Variants in TYW1B observed in about 807,000 individuals in gnomAD.
TYW1B encodes the protein S-adenosyl-L-methionine-dependent tRNA 4-demethylwyosine synthase TYW1B.
TYW1B carries 73 observed loss-of-function variants against 86.9 expected under a neutral mutation model. That is an observed-to-expected ratio of 0.84 (90% CI 0.70 to 1.02). The LOEUF (loss-of-function observed/expected upper bound fraction) is 1.02, where lower values mean the gene tolerates loss of function less well. TYW1B is among the 50% of genes least tolerant of loss of function. The pLI is 0.00. For synonymous variants in TYW1B, 248 were observed against 292.8 expected (o/e 0.85, Z 1.56); for missense variants, 637 against 827.4 (o/e 0.77, Z 2.82).
chr7:72,634,637 G>A (rs1480813156), intron 11 of TYW1B, among the ~76,000 whole-genome samples: 13 of 151,898 alleles, frequency 8.6e-5, no homozygotes, highest in South Asian at 2.1e-4. Context: ...TTTCACCCAC[G>A]TTGTATCAGA....
At chr7:72,577,388 T>A (rs1299554675) in intron 13 of TYW1B, among the ~76,000 whole-genome samples, 1 of 152,202 alleles carries the variant, frequency 6.6e-6, no homozygotes, top group African/African-American at 2.4e-5. Context: ...TTGGAAATGG[T>A]GCCTCAAGGG....
intron 13 of TYW1B, among the ~76,000 whole-genome samples, chr7:72,577,170 G>A (rs1192237143): frequency 2.0e-5 from 3 of 148,886 alleles, no homozygotes; most frequent in Non-Finnish European, 4.4e-5. Context: ...AATGAACTAA[G>A]GAAAAATTTC....
intron 11 of TYW1B, among the ~76,000 whole-genome samples, chr7:72,644,045 G>C (rs1812866529): frequency 6.6e-6 from 1 of 152,098 alleles, no homozygotes; most frequent in South Asian, 2.1e-4. Context: ...ATAATACATA[G>C]TAACCAAGAT....
At position 72,574,936 on chromosome 7, in the gene TYW1B, C is replaced by A; in HGVS notation, c.*562G>T. The A allele has an allele frequency of 5.1e-6, 5 of 986,650 alleles. No individual in the cohort carries two copies. Among genetic ancestry groups the A allele is most frequent in the Non-Finnish European group, 6.0e-6 (5 of 830,786 alleles). 61.1% of individuals were successfully genotyped at this position (986,650 alleles called of 1,614,324 possible). The stretch of plus-strand genomic sequence containing the variant: ...AATTTTGGGAAGGGTTAGTAATAAA[C>A]CAAAACTCAATCTATGCAGTATTTA... On this transcript the variant is annotated 3_prime_UTR_variant, in exon 14 of 14. Coordinates refer to ENST00000620995, the MANE Select transcript of TYW1B (RefSeq NM_001145440.3).
intron 11 of TYW1B, among the ~76,000 whole-genome samples, chr7:72,646,038 T>G (rs1227168307): frequency 6.7e-6 from 1 of 149,842 alleles, no homozygotes; most frequent in Non-Finnish European, 1.5e-5. Context: ...GCATCCAAAT[T>G]TTAAAAGTCT....
chr7:72,788,844 T>C (rs1426407145), intron 6 of TYW1B, among the ~76,000 whole-genome samples: 1 of 151,858 alleles, frequency 6.6e-6, no homozygotes, highest in Admixed American at 6.6e-5. Context: ...CATGTTTGTA[T>C]TTTTGAGACA....
intron 8 of TYW1B, among the ~76,000 whole-genome samples, chr7:72,737,995 C>CG (rs1787228224): frequency 6.6e-6 from 1 of 151,580 alleles, no homozygotes. Context: ...AGGATGGTCT[C>CG]GATCTCCTGA....
At position 72,813,171 on chromosome 7, in the gene TYW1B, CT is replaced by C. The variant is rs782128548; in HGVS notation, c.237+2208del. ...TCAACCCCAGCTCTACATACTTCTT[CT>C]TTTTTTTTTTTTTTTTTTTTGAGAC... On this transcript the variant is annotated intron_variant, in intron 3 of 13. Transcript: ENST00000620995. Among the ~76,000 whole-genome samples the C allele has an allele frequency of 7.4e-3, 914 of 123,772 alleles. 2 individuals carry two copies. The highest frequency in any genetic ancestry group is 0.015 in the African/African-American group (481 of 32,496). The allele number at this position is 123,772 out of a possible 152,430, so 81.2% of individuals were successfully genotyped here.
intron 11 of TYW1B, among the ~76,000 whole-genome samples, chr7:72,686,584 T>C (rs1307322869): frequency 1.3e-5 from 2 of 151,982 alleles, no homozygotes; most frequent in Non-Finnish European, 2.9e-5. Flanking sequence ...GTACAGGAGA[T>C]TCTTAGGGCA....
intron 4 of TYW1B, 76 bp from the exon 5 acceptor site, chr7:72,807,432 A>C (rs1788520301): frequency 1.0e-5 from 16 of 1,534,570 alleles, no homozygotes; most frequent in Non-Finnish European, 1.4e-5. Context: ...GCAAAAGCCC[A>C]AAGTCCTTCT....
chr7:72,734,267 A>AC (rs1787162603), intron 8 of TYW1B, among the ~76,000 whole-genome samples: 2 of 150,202 alleles, frequency 1.3e-5, no homozygotes, highest in Non-Finnish European at 3.0e-5. Context: ...CAAAAAAAAA[A>AC]AACACAACAA....
intron 11 of TYW1B, among the ~76,000 whole-genome samples, chr7:72,694,247 G>A (rs1345259845): frequency 3.9e-5 from 6 of 152,142 alleles, no homozygotes; most frequent in Middle Eastern, 3.2e-3. Context: ...GCAGGCAGGC[G>A]TGAACCACCA....
intron 11 of TYW1B, among the ~76,000 whole-genome samples, chr7:72,630,047 G>A (rs1294105513): frequency 6.6e-6 from 1 of 152,128 alleles, no homozygotes; most frequent in Admixed American, 6.6e-5. Flanking sequence ...GGGAGGCCGA[G>A]GCAGGGGGAT....
rs1304354725 is a variant in TYW1B at position 72,740,090 on chromosome 7, G to A, written c.1082+4394C>T. 1.4e-3 allele frequency among the ~76,000 whole-genome samples: 217 copies of A among 149,664 alleles called. 1 individual carries two copies. Among genetic ancestry groups the A allele is most frequent in the Middle Eastern group, 3.4e-3 (1 of 292 alleles). ...CTACTAAAAACACAAAAAATTAGCC[G>A]GGTGTGGTGGCGGGCGCCTGCAATC... On this transcript the variant is annotated intron_variant, in intron 8 of 13. Coordinates refer to ENST00000620995, the MANE Select transcript of TYW1B (RefSeq NM_001145440.3).
At chr7:72,777,335 TAG>T in intron 7 of TYW1B, 79 bp downstream of exon 7, 5 of 1,519,742 alleles carry the variant, frequency 3.3e-6, no homozygotes, top group Non-Finnish European at 4.5e-6. Context: ...CTGAGCTAAT[TAG>T]AGAGAGACTT....
At chr7:72,581,867 A>G (rs558770295) in intron 13 of TYW1B, among the ~76,000 whole-genome samples, 1 of 152,158 alleles carries the variant, frequency 6.6e-6, no homozygotes, top group East Asian at 1.9e-4. Context: ...TCCCAGGTAC[A>G]AGAGATTCTC....
At chr7:72,751,149 T>C (rs573396747) in intron 7 of TYW1B, among the ~76,000 whole-genome samples, 1 of 152,128 alleles carries the variant, frequency 6.6e-6, no homozygotes, top group Non-Finnish European at 1.5e-5. Flanking sequence ...GCAATTCTCC[T>C]ACCTCAGCCT....
chr7:72,612,529 G>T (rs1400449635), intron 13 of TYW1B, among the ~76,000 whole-genome samples: 1 of 152,152 alleles, frequency 6.6e-6, no homozygotes, highest in African/African-American at 2.4e-5. Flanking sequence ...CCTTTTCATA[G>T]ATAGCTTATC....
intron 10 of TYW1B, among the ~76,000 whole-genome samples, chr7:72,711,203 A>G (rs190511654): frequency 6.6e-6 from 1 of 152,286 alleles, no homozygotes; most frequent in East Asian, 1.9e-4. Context: ...TAAGATAGGG[A>G]GGCTAAAAGC....
Sources: allele counts gnomAD v4.1 joint callset (sites outside exome capture counted in the v4.1 genomes callset), GRCh38; gene constraint gnomAD v4.1.1; transcripts MANE v1.5; gene names NCBI Gene and HGNC (gene_info 2026-07-23, HGNC 2026-07-21).